Variants in RBM27 observed in about 807,000 individuals in gnomAD.
The protein encoded by RBM27 is RNA-binding protein 27.
In RBM27, 22 loss-of-function variants were observed where a neutral mutation model predicts 135.3. That is an observed-to-expected ratio of 0.16 (90% CI 0.12 to 0.23). The LOEUF is 0.23. Ranked by LOEUF, RBM27 falls within the 10% of genes least tolerant of loss-of-function variation. The probability of loss-of-function intolerance (pLI) is 1.00; values close to 1 mark genes in which losing one functional copy is unlikely to be tolerated. For synonymous variants in RBM27, 481 were observed against 442.4 expected (o/e 1.09, Z -1.10); for missense variants, 1,009 against 1,281.0 (o/e 0.79, Z 3.24).
rs116483805 is a variant in RBM27 at position 146,266,808 on chromosome 5, G to A, written c.2332-841G>A. Among the ~76,000 whole-genome samples the A allele has an allele frequency of 4.6e-3, 703 of 152,088 alleles. 8 individuals are homozygous for A. Among genetic ancestry groups the A allele is most frequent in the African/African-American group, 0.014 (565 of 41,494 alleles). On this transcript the variant is annotated intron_variant, in intron 14 of 20. Transcript: ENST00000265271. ...AGAAACCAGCTAGGCTTGCAGGCTC[G>A]CACCTATAGCCCCAGCTACTCTGGA... is the stretch of plus-strand genomic sequence containing the variant.
chr5:146,229,691 A>G (rs766515344), intron 4 of RBM27, 26 bp from the exon 5 acceptor site: 38 of 1,551,522 alleles, frequency 2.4e-5, no homozygotes, highest in Middle Eastern at 2.3e-4. Context: ...TAGCCTGCAT[A>G]TGGCTTTTAT....
intron 1 of RBM27, among the ~76,000 whole-genome samples, chr5:146,206,546 G>T: frequency 8.2e-6 from 1 of 121,888 alleles, no homozygotes. Flanking sequence ...TGCTCATTTA[G>T]GGTAAAAAAA....
chr5:146,275,309 G>A (rs1206646370), intron 19 of RBM27, among the ~76,000 whole-genome samples: 2 of 150,718 alleles, frequency 1.3e-5, no homozygotes, highest in South Asian at 2.1e-4. Context: ...TTGCTCTGTC[G>A]CCCAGGCTGG....
chr5:146,232,982 A>T (rs1757003254), intron 6 of RBM27, among the ~76,000 whole-genome samples: 1 of 152,212 alleles, frequency 6.6e-6, no homozygotes. Flanking sequence ...ATAACCTGGT[A>T]CATAATGTTC....
Position 146,228,932 on chromosome 5 carries a change from A to G in RBM27, c.304-14A>G, listed in dbSNP as rs750476476. On this transcript the variant is annotated splice_polypyrimidine_tract_variant and intron_variant, in intron 3 of 20. Transcript: ENST00000265271. ...CTGGCCCTGCTCTTACTTCTACTCA[A>G]TATTTTCATATAGGTATTTCAGGAG... 6.2e-7 allele frequency: 1 copy of G among 1,609,932 alleles called. No individual in the cohort carries two copies. The highest frequency in any genetic ancestry group is 8.5e-7 in the Non-Finnish European group (1 of 1,176,734).
intron 3 of RBM27, among the ~76,000 whole-genome samples, chr5:146,228,065 A>G (rs772917291): frequency 1.9e-4 from 29 of 152,160 alleles, no homozygotes; most frequent in Non-Finnish European, 3.2e-4. Context: ...AATTGTTTAT[A>G]CTTTTCCTAC....
intron 19 of RBM27, among the ~76,000 whole-genome samples, chr5:146,278,956 C>T (rs996542429): frequency 3.3e-5 from 5 of 151,746 alleles, no homozygotes; most frequent in East Asian, 4.0e-4. Context: ...CTCCTGACCT[C>T]GTGATCTGCC....
chr5:146,223,169 C>T (rs73319938), intron 2 of RBM27, among the ~76,000 whole-genome samples: 3,750 of 152,040 alleles, frequency 0.025, 131 homozygotes, highest in African/African-American at 0.08. Context: ...GAGTTGTTTC[C>T]GATCGTTTGC....
At chr5:146,246,594 C>T (rs1027651981) in intron 8 of RBM27, among the ~76,000 whole-genome samples, 4 of 152,104 alleles carry the variant, frequency 2.6e-5, no homozygotes, top group African/African-American at 9.7e-5. Context: ...GGGGAAGATA[C>T]CTTGAGGCCA....
At chr5:146,224,918 G>A (rs1169296049) in intron 3 of RBM27, among the ~76,000 whole-genome samples, 1 of 152,006 alleles carries the variant, frequency 6.6e-6, no homozygotes, top group Non-Finnish European at 1.5e-5. Flanking sequence ...AGTAATTTGA[G>A]TAGTGAGTCA....
In RBM27 at chr5:146,269,276, C is replaced by A; in HGVS notation, c.2521C>A (p.Gln841Lys). Residue 841 changes from glutamine to lysine, a missense_variant, in exon 16 of 21, where the codon CAA becomes AAA. Coordinates refer to ENST00000265271, the MANE Select transcript of RBM27 (RefSeq NM_018989.2). Reference protein sequence around the residue: ...QEVLEKQIECQKMLISKLEKN... With the variant: ...QEVLEKQIECKKMLISKLEKN... Reference sequence around the variant, plus strand: ...AGTGTTAGAAAAGCAAATAGAATGCCAAAAGGTAAGACAAGAGCTCATTAT... The same window carrying A: ...AGTGTTAGAAAAGCAAATAGAATGCAAAAAGGTAAGACAAGAGCTCATTAT... The A allele has an allele frequency of 6.2e-7, 1 of 1,604,116 alleles. No individual in the cohort carries two copies. Among genetic ancestry groups the A allele is most frequent in the South Asian group, 1.1e-5 (1 of 89,924 alleles).
rs761795535 is a variant in RBM27, at chr5:146,261,818, C to G, written c.2190+12C>G. The G allele has an allele frequency of 6.2e-6, 10 of 1,613,644 alleles. No homozygotes were observed. The South Asian group carries it at 9.9e-5, about 16-fold the overall frequency. On this transcript the variant is annotated intron_variant, in intron 13 of 20. Transcript: ENST00000265271. Reference sequence around the variant, plus strand: ...GAGGTATCCAGAAGGTAATCTGGTTCACTGGGAATTAAAGGTCTTTTAGTT... The same window carrying G: ...GAGGTATCCAGAAGGTAATCTGGTTGACTGGGAATTAAAGGTCTTTTAGTT...
intron 8 of RBM27, among the ~76,000 whole-genome samples, chr5:146,249,628 C>T (rs891473898): frequency 1.3e-4 from 18 of 141,230 alleles, no homozygotes; most frequent in Non-Finnish European, 2.1e-4. Context: ...CAGAGGTCGC[C>T]GTGAGCCCAG....
Position 146,220,248 on chromosome 5 carries a change from C to T in RBM27, c.178+1145C>T, listed in dbSNP as rs370505005. Among the ~76,000 whole-genome samples the T allele has an allele frequency of 4.5e-4, 68 of 152,146 alleles. 1 individual carries two copies. The highest frequency in any genetic ancestry group is 1.6e-3 in the African/African-American group (66 of 41,516). On this transcript the variant is annotated intron_variant, in intron 2 of 20. Coordinates refer to ENST00000265271, the MANE Select transcript of RBM27 (RefSeq NM_018989.2). ...ATCCCAGCACTTTGGGAGGCCGAAG[C>T]GGGTGGATCATGAGGTCAAGAGATC...
chr5:146,271,686 A>C lies in RBM27; in HGVS notation c.2988+12A>C. ...TTCAGCATTTCTCAGTAAGTTTTTA[A>C]AATAGCAAATGCTAACTGTAAAAAC... On this transcript the variant is annotated intron_variant, in intron 19 of 20. Transcript: ENST00000265271. 1.9e-6 allele frequency: 3 copies of C among 1,593,872 alleles called. No homozygotes were observed. Among genetic ancestry groups the C allele is most frequent in the Non-Finnish European group, 2.6e-6 (3 of 1,162,642 alleles).
At chr5:146,236,307 G>T (rs527686886) in intron 7 of RBM27, among the ~76,000 whole-genome samples, 1 of 152,184 alleles carries the variant, frequency 6.6e-6, no homozygotes, top group Non-Finnish European at 1.5e-5. Context: ...TTTTACTTTT[G>T]ATGCTTTTCA....
chr5:146,269,419 G>T lies in RBM27; in HGVS notation c.2527-1G>T. 1 of 1,545,904 alleles carries T rather than the reference G, an allele frequency of 6.5e-7. No homozygotes were observed. Among genetic ancestry groups the T allele is most frequent in the South Asian group, 1.2e-5 (1 of 80,806 alleles). On this transcript the variant is annotated splice_acceptor_variant, in intron 16 of 20. Coordinates refer to ENST00000265271, the MANE Select transcript of RBM27 (RefSeq NM_018989.2). LOFTEE classifies it high-confidence loss of function. ...TTTACCTTTTTCTATTTATTTCGTAGATGTTAATATCCAAGTTAGAAAAAA... is the reference window on the plus strand; with the variant it reads ...TTTACCTTTTTCTATTTATTTCGTATATGTTAATATCCAAGTTAGAAAAAA...
chr5:146,268,226 A>G (rs1758702869), intron 15 of RBM27, among the ~76,000 whole-genome samples: 1 of 150,190 alleles, frequency 6.7e-6, no homozygotes, highest in South Asian at 2.1e-4. Flanking sequence ...CATAGATTTT[A>G]CTCTCTTATT....
chr5:146,207,783 T>C (rs1379896422), intron 1 of RBM27, among the ~76,000 whole-genome samples: 6 of 149,200 alleles, frequency 4.0e-5, no homozygotes, highest in African/African-American at 1.5e-4. Context: ...GCCTCCCAAG[T>C]AGCTGGGATT....
Sources: allele counts gnomAD v4.1 joint callset (sites outside exome capture counted in the v4.1 genomes callset), GRCh38; gene constraint gnomAD v4.1.1; transcripts MANE v1.5; gene names NCBI Gene and HGNC (gene_info 2026-07-23, HGNC 2026-07-21).